Variants in NKAIN2 observed in about 807,000 individuals in gnomAD.
The protein encoded by NKAIN2 is sodium/potassium-transporting ATPase subunit beta-1-interacting protein 2.
Under a neutral mutation model 32.6 loss-of-function variants are expected in NKAIN2, and 14 were observed. That is an observed-to-expected ratio of 0.43 (90% CI 0.28 to 0.67). The LOEUF is 0.67. Ranked by LOEUF, NKAIN2 falls within the 30% of genes least tolerant of loss-of-function variation. The pLI, the probability that NKAIN2 is intolerant of heterozygous loss-of-function variation, is 0.17. For missense variants in NKAIN2, 198 were observed against 258.3 expected (o/e 0.77, Z 1.60); for synonymous variants, 80 against 87.2 (o/e 0.92, Z 0.46).
intron 1 of NKAIN2, among the ~76,000 whole-genome samples, chr6:124,223,204 C>A (rs1217588457): frequency 9.7e-6 from 1 of 102,726 alleles, no homozygotes; most frequent in South Asian, 4.3e-4. Flanking sequence ...CAGTGTGAGA[C>A]TCCATCTCAA....
intron 1 of NKAIN2, among the ~76,000 whole-genome samples, chr6:123,998,442 T>C (rs1434506060): frequency 1.3e-5 from 2 of 152,186 alleles, no homozygotes; most frequent in Non-Finnish European, 2.9e-5. Context: ...TTTGGTTCCC[T>C]AAACAACTAG....
intron 3 of NKAIN2, among the ~76,000 whole-genome samples, chr6:124,411,249 G>A (rs538945640): frequency 1.1e-4 from 16 of 147,880 alleles, no homozygotes; most frequent in East Asian, 3.9e-4. Context: ...TATTTTGCTC[G>A]TTAGTTGATG....
intron 4 of NKAIN2, among the ~76,000 whole-genome samples, chr6:124,765,413 G>T (rs1368768313): frequency 1.3e-5 from 2 of 152,144 alleles, no homozygotes; most frequent in Non-Finnish European, 2.9e-5. Flanking sequence ...CTCTTTCTTG[G>T]CTCTGTTCAG....
intron 1 of NKAIN2, among the ~76,000 whole-genome samples, chr6:124,038,581 C>G (rs749838954): frequency 3.3e-5 from 5 of 152,088 alleles, no homozygotes; most frequent in African/African-American, 7.2e-5. Context: ...TGGAACTGGA[C>G]ATTTAAACTG....
intron 1 of NKAIN2, among the ~76,000 whole-genome samples, chr6:124,225,821 G>A (rs144894371): frequency 1.2e-4 from 19 of 152,048 alleles, no homozygotes; most frequent in African/African-American, 3.4e-4. Context: ...AGACAAAGGC[G>A]GAATATGTCA....
At chr6:124,670,804 A>C (rs1773064234) in intron 4 of NKAIN2, among the ~76,000 whole-genome samples, 1 of 151,978 alleles carries the variant, frequency 6.6e-6, no homozygotes, top group South Asian at 2.1e-4. Context: ...ACCCAGTTGG[A>C]AGCTCTGATG....
intron 3 of NKAIN2, among the ~76,000 whole-genome samples, chr6:124,391,288 G>C (rs1420665168): frequency 6.6e-6 from 1 of 152,176 alleles, no homozygotes; most frequent in African/African-American, 2.4e-5. Context: ...AGCTGATGAA[G>C]TGATGTTTAT....
chr6:123,866,538 C>CT (rs1772524327), intron 1 of NKAIN2, among the ~76,000 whole-genome samples: 1 of 152,126 alleles, frequency 6.6e-6, no homozygotes, highest in Admixed American at 6.5e-5. Flanking sequence ...TCAAGCCATT[C>CT]TACTGCCTCA....
intron 3 of NKAIN2, among the ~76,000 whole-genome samples, chr6:124,568,573 T>A (rs1439052578): frequency 6.6e-6 from 1 of 152,118 alleles, no homozygotes; most frequent in Non-Finnish European, 1.5e-5. Flanking sequence ...ACTCTCCAAT[T>A]TCTGGGTTCA....
chr6:124,728,697 T>A (rs1355149164), intron 4 of NKAIN2, among the ~76,000 whole-genome samples: 3 of 140,692 alleles, frequency 2.1e-5, no homozygotes, highest in Non-Finnish European at 3.1e-5. Context: ...AGGCAAGAAA[T>A]AACTAAAATC....
chr6:124,092,404 A>G (rs1784469695), intron 1 of NKAIN2, among the ~76,000 whole-genome samples: 1 of 152,132 alleles, frequency 6.6e-6, no homozygotes. Flanking sequence ...AATTTTCTAT[A>G]AAAGTATTTT....
intron 1 of NKAIN2, among the ~76,000 whole-genome samples, chr6:124,228,256 A>C (rs934531118): frequency 1.3e-5 from 2 of 152,176 alleles, no homozygotes; most frequent in African/African-American, 4.8e-5. Flanking sequence ...AGCCTTCCCA[A>C]ATGGGCTTAG....
chr6:123,921,853 C>G (rs1775768243), intron 1 of NKAIN2, among the ~76,000 whole-genome samples: 1 of 151,906 alleles, frequency 6.6e-6, no homozygotes, highest in South Asian at 2.1e-4. Context: ...ATGGCATGAA[C>G]CAAGGAGGCG....
intron 3 of NKAIN2, among the ~76,000 whole-genome samples, chr6:124,429,115 G>T (rs1775101054): frequency 6.6e-6 from 1 of 152,072 alleles, no homozygotes; most frequent in South Asian, 2.1e-4. Context: ...TCTGCTCACT[G>T]CAACCTCTGC....
chr6:124,813,910 TTTTATGACCCTTATTGCTC>T (rs1172729493), intron 5 of NKAIN2, among the ~76,000 whole-genome samples: 4 of 152,208 alleles, frequency 2.6e-5, no homozygotes, highest in African/African-American at 9.6e-5. Flanking sequence ...CTGTCAAATG[TTTTATGACCCTTATTGCTC>T]AGAGAAGTTT....
intron 1 of NKAIN2, among the ~76,000 whole-genome samples, chr6:124,086,299 T>C (rs1372759343): frequency 6.6e-6 from 1 of 152,038 alleles, no homozygotes; most frequent in African/African-American, 2.4e-5. Context: ...TGACAAACTA[T>C]ATAAATTTCA....
At chr6:123,866,709 C>T (rs1013560886) in intron 1 of NKAIN2, among the ~76,000 whole-genome samples, 1 of 152,170 alleles carries the variant, frequency 6.6e-6, no homozygotes, top group African/African-American at 2.4e-5. Flanking sequence ...GGATTACAGG[C>T]GTGAGCCACC....
At chr6:124,013,588 G>T (rs577437929) in intron 1 of NKAIN2, among the ~76,000 whole-genome samples, 1 of 152,268 alleles carries the variant, frequency 6.6e-6, no homozygotes, top group African/African-American at 2.4e-5. Context: ...GATAATCTGT[G>T]TGGTAAATAG....
intron 4 of NKAIN2, among the ~76,000 whole-genome samples, chr6:124,781,028 C>T (rs1483584737): frequency 6.6e-6 from 1 of 152,190 alleles, no homozygotes; most frequent in Non-Finnish European, 1.5e-5. Flanking sequence ...TAATTCAAAG[C>T]TCAGTATTAT....
Sources: gnomAD v4.1 joint callset for allele counts (sites outside exome capture counted in the v4.1 genomes callset) on GRCh38, gnomAD v4.1.1 for gene constraint, MANE v1.5 for transcripts, NCBI Gene and HGNC (gene_info 2026-07-23, HGNC 2026-07-21) for gene names.